BFSP1: variants seen among roughly 807,000 people sequenced by gnomAD.
BFSP1 encodes the protein filensin.
BFSP1 carries 38 observed loss-of-function variants against 43.9 expected under a neutral mutation model. The ratio of observed to expected loss-of-function variants is 0.87; its 90% CI spans 0.67 to 1.14. The LOEUF (loss-of-function observed/expected upper bound fraction) is 1.14. Among genes scored for constraint, BFSP1 ranks in the 50% most tolerant of loss-of-function variants. The pLI is 0.00. For missense variants in BFSP1, 850 were observed against 875.1 expected (o/e 0.97, Z 0.36); for synonymous variants, 352 against 354.8 (o/e 0.99, Z 0.09).
chr20:17,528,854 A>G (rs920692553), intron 1 of BFSP1, among the ~76,000 whole-genome samples: 3 of 152,170 alleles, frequency 2.0e-5, no homozygotes, highest in Admixed American at 2.0e-4. Flanking sequence ...AGATTGAGAA[A>G]CTGGAACTCA....
Position 17,494,289 on chromosome 20 carries a change from G to A in BFSP1, c.1783C>T (p.Gln595Ter), listed in dbSNP as rs1176111504. 6.2e-7 allele frequency: 1 copy of A among 1,614,060 alleles called. No individual in the cohort carries two copies. The highest frequency in any genetic ancestry group is 8.5e-7 in the Non-Finnish European group (1 of 1,180,044). The change falls in exon 8 of 8, where the codon CAG becomes TAG. Residue 595 changes from glutamine (Q) to a stop codon, truncating the protein, a stop_gained. Transcript: ENST00000377873. LOFTEE classifies it low-confidence loss of function (END_TRUNC). ...GTCCCAAGCACCTCAGCTCCATCCT[G>A]ATCAGCCGCAGGCTTTGGAGGCTCA... ...IPEPPKPAAD[Q>*]DGAEVLGTRS...
At chr20:17,565,402 T>C (rs2035107799) in intron 1 of BFSP1, 2 of 152,228 alleles carry the variant, frequency 1.3e-5, no homozygotes, top group Admixed American at 6.5e-5. Context: ...GTCCCAAGGC[T>C]GTTCACTGAA....
In BFSP1 at chr20:17,530,983, G is replaced by A; in HGVS notation, c.347C>T (p.Ala116Val). The A allele has an allele frequency of 7.0e-7, 1 of 1,437,894 alleles. No individual in the cohort carries two copies. The highest frequency in any genetic ancestry group is 9.1e-7 in the Non-Finnish European group (1 of 1,099,392). The allele number at this position is 1,437,894 out of a possible 1,614,324, so 89.1% of individuals were successfully genotyped here. Residue 116 changes from alanine to valine, a missense_variant, in exon 1 of 8, where the codon GCG becomes GTG. By Grantham distance (64) the Ala-to-Val change is moderately conservative (BLOSUM62 0). Transcript: ENST00000377873. ...TCGGAACTCGTCGAGCGCGCGCTGCGCCTCGGTGCCCTGGCGCTCCAGCCG... is the reference window on the plus strand; with the variant it reads ...TCGGAACTCGTCGAGCGCGCGCTGCACCTCGGTGCCCTGGCGCTCCAGCCG... Reference protein sequence around the residue: ...RARLERQGTEAQRALDEFRSK... With the variant: ...RARLERQGTEVQRALDEFRSK...
chr20:17,514,063 T>C (rs767955843), intron 3 of BFSP1, among the ~76,000 whole-genome samples: 29 of 152,162 alleles, frequency 1.9e-4, no homozygotes, highest in Non-Finnish European at 3.5e-4. Flanking sequence ...GCTGCAGGGA[T>C]GGCAGTGGGA....
intron 3 of BFSP1, among the ~76,000 whole-genome samples, chr20:17,513,533 G>A (rs1335506302): frequency 6.6e-6 from 1 of 152,164 alleles, no homozygotes; most frequent in Non-Finnish European, 1.5e-5. Flanking sequence ...GGAAATGGCT[G>A]GGCCTCATGG....
rs1230815074 is a variant in BFSP1 at position 17,522,735 on chromosome 20, G to A, written c.438+2113C>T. 2.6e-5 allele frequency among the ~76,000 whole-genome samples: 4 copies of A among 152,306 alleles called. No homozygotes were observed. The East Asian group carries it at 7.7e-4, about 29-fold the overall frequency. The stretch of plus-strand genomic sequence containing the variant: ...CAGGGATTCAGCACCACCAGGTGAT[G>A]GGCAAGTCATATACATTATTACATC... On this transcript the variant is annotated intron_variant, in intron 2 of 7. Transcript: ENST00000377873.
chr20:17,502,551 T>C (rs1163983814), intron 5 of BFSP1, among the ~76,000 whole-genome samples: 1 of 152,234 alleles, frequency 6.6e-6, no homozygotes, highest in Non-Finnish European at 1.5e-5. Context: ...GAGATTTTAG[T>C]GCAGTCTATT....
At chr20:17,556,850 A>AT (rs35064599) in intron 1 of BFSP1, among the ~76,000 whole-genome samples, 3 of 152,102 alleles carry the variant, frequency 2.0e-5, no homozygotes, top group South Asian at 2.1e-4. Context: ...CATTTTCAAC[A>AT]TTTTTTTCCC....
At chr20:17,499,155 T>C in intron 5 of BFSP1, 115 bp from the exon 6 acceptor site, 1 of 912,736 alleles carries the variant, frequency 1.1e-6, no homozygotes, top group Non-Finnish European at 1.7e-6. Context: ...TGTGTGTTTC[T>C]CTGTCCATTC....
At chr20:17,532,274 G>A (rs962835427), upstream of BFSP1, among the ~76,000 whole-genome samples, 3 of 151,998 alleles carry the variant, frequency 2.0e-5, no homozygotes, top group African/African-American at 2.4e-5. Context: ...GCGTGGTGGC[G>A]TGTGCCAGTA....
chr20:17,517,210 A>G, intron 2 of BFSP1: 2 of 895,418 alleles, frequency 2.2e-6, no homozygotes. Flanking sequence ...TGCCCTTCTG[A>G]TGAATGTGGT....
At chr20:17,501,917 G>C (rs1030398017) in intron 5 of BFSP1, among the ~76,000 whole-genome samples, 17 of 152,222 alleles carry the variant, frequency 1.1e-4, no homozygotes, top group African/African-American at 4.1e-4. Flanking sequence ...AGGGACACAT[G>C]AACGGGTCTG....
At chr20:17,533,381 A>AC (rs1306632597), upstream of BFSP1, among the ~76,000 whole-genome samples, 1 of 152,204 alleles carries the variant, frequency 6.6e-6, no homozygotes, top group Admixed American at 6.5e-5. Context: ...TCCCTATGAT[A>AC]CCATGTATCA....
At chr20:17,513,804 C>T (rs1281491653) in intron 3 of BFSP1, among the ~76,000 whole-genome samples, 3 of 152,340 alleles carry the variant, frequency 2.0e-5, no homozygotes, top group East Asian at 1.9e-4. Flanking sequence ...GAGCAGTCAG[C>T]GAGGGCTATT....
At chr20:17,526,965 T>C (rs532395650) in intron 1 of BFSP1, among the ~76,000 whole-genome samples, 2 of 152,334 alleles carry the variant, frequency 1.3e-5, no homozygotes, top group Admixed American at 6.5e-5. Flanking sequence ...CAAAGCATAG[T>C]TTTCTGTGCC....
intron 7 of BFSP1, 87 bp downstream of exon 7, chr20:17,496,851 C>T: frequency 8.5e-7 from 1 of 1,176,738 alleles, no homozygotes; most frequent in Non-Finnish European, 1.2e-6. Context: ...GGATCTGAAG[C>T]AAGCATGAAT....
At chr20:17,551,023 G>A (rs2034888288) in intron 1 of BFSP1, among the ~76,000 whole-genome samples, 2 of 152,176 alleles carry the variant, frequency 1.3e-5, no homozygotes, top group Admixed American at 1.3e-4. Context: ...TCCAGAGGTA[G>A]GCAGTTCAGG....
At chr20:17,553,134 A>G (rs2034922185) in intron 1 of BFSP1, among the ~76,000 whole-genome samples, 1 of 152,194 alleles carries the variant, frequency 6.6e-6, no homozygotes, top group Non-Finnish European at 1.5e-5. Flanking sequence ...GTGGAAAATC[A>G]GGAAGAGTGT....
intron 2 of BFSP1, among the ~76,000 whole-genome samples, chr20:17,519,572 A>G (rs2034276254): frequency 6.6e-6 from 1 of 152,220 alleles, no homozygotes; most frequent in South Asian, 2.1e-4. Context: ...CCTAGCCAAG[A>G]GCTGAGTGCT....
Sources: gnomAD v4.1 joint callset for allele counts (sites outside exome capture counted in the v4.1 genomes callset) on GRCh38, gnomAD v4.1.1 for gene constraint, MANE v1.5 for transcripts, NCBI Gene and HGNC (gene_info 2026-07-23, HGNC 2026-07-21) for gene names.